NCAPD3: variants seen among roughly 807,000 people sequenced by gnomAD.
NCAPD3 encodes the protein non-SMC condensin II complex subunit D3.
A neutral mutation model predicts 182.9 loss-of-function variants in NCAPD3; 105 were observed. The ratio of observed to expected loss-of-function variants is 0.57; its 90% confidence interval spans 0.49 to 0.68. NCAPD3 has a LOEUF of 0.68. Among genes scored for constraint, NCAPD3 ranks in the 30% least tolerant of loss-of-function variants. NCAPD3 has a pLI of 0.00. For synonymous variants in NCAPD3, 815 were observed against 679.9 expected, an observed-to-expected ratio of 1.20 and a Z score of -3.09; for missense variants, 1,944 against 1,837.0, an observed-to-expected ratio of 1.06 and a Z score of -1.07.
chr11:134,220,798 G>C, intron 1 of NCAPD3, 72 bp from the exon 2 acceptor site: 3 of 1,465,914 alleles, frequency 2.0e-6, no homozygotes, highest in South Asian at 1.3e-5. Context: ...TTAGATTCCA[G>C]GTGTGTTCAA....
At chr11:134,224,479 T>G (rs1457998394), upstream of NCAPD3, 3 of 154,306 alleles carry the variant, frequency 1.9e-5, no homozygotes, top group South Asian at 1.8e-4. Flanking sequence ...GCGGCACGCG[T>G]GGGCCCAGAG....
chr11:134,195,178 G>A (rs1474944701), intron 13 of NCAPD3, among the ~76,000 whole-genome samples: 2 of 152,154 alleles, frequency 1.3e-5, no homozygotes, highest in Non-Finnish European at 2.9e-5. Flanking sequence ...ATAGCTCACC[G>A]CAATCTCAAA....
intron 3 of NCAPD3, among the ~76,000 whole-genome samples, chr11:134,212,033 A>G (rs1204144245): frequency 6.6e-6 from 1 of 152,222 alleles, no homozygotes; most frequent in Non-Finnish European, 1.5e-5. Context: ...AGAGGCAATC[A>G]CAACAAAGCA....
intron 19 of NCAPD3, among the ~76,000 whole-genome samples, chr11:134,182,661 T>A (rs959143709): frequency 1.3e-5 from 2 of 152,220 alleles, no homozygotes; most frequent in African/African-American, 2.4e-5. Flanking sequence ...TAGACACTAT[T>A]TCTACTGATA....
chr11:134,169,127 T>C (rs1180095868), intron 24 of NCAPD3, 73 bp from the exon 25 acceptor site: 3 of 1,477,870 alleles, frequency 2.0e-6, no homozygotes, highest in South Asian at 1.3e-5. Flanking sequence ...CACCAAGAAC[T>C]CTGCTGAGCA....
At chr11:134,170,739 T>C (rs889277856) in intron 24 of NCAPD3, among the ~76,000 whole-genome samples, 1 of 152,196 alleles carries the variant, frequency 6.6e-6, no homozygotes. Context: ...TGCTGAACCA[T>C]CTATACAAAT....
chr11:134,164,376 G>A (rs376079696), intron 27 of NCAPD3, among the ~76,000 whole-genome samples: 1 of 152,372 alleles, frequency 6.6e-6, no homozygotes. Flanking sequence ...GGCAGCAGGG[G>A]GACCTGAGCT....
intron 13 of NCAPD3, among the ~76,000 whole-genome samples, chr11:134,196,828 AAAG>A (rs1591850444): frequency 1.3e-5 from 2 of 152,176 alleles, no homozygotes; most frequent in African/African-American, 2.4e-5. Flanking sequence ...AAAAAATAGA[AAAG>A]AATACACTTT....
At chr11:134,197,570 C>A (rs528820548) in intron 13 of NCAPD3, among the ~76,000 whole-genome samples, 18 of 152,274 alleles carry the variant, frequency 1.2e-4, no homozygotes, top group African/African-American at 4.3e-4. Flanking sequence ...AGCCACCACG[C>A]CTGGCCACGT....
chr11:134,156,719 A>G (rs1015597173), intron 32 of NCAPD3, among the ~76,000 whole-genome samples: 11 of 152,202 alleles, frequency 7.2e-5, no homozygotes, highest in African/African-American at 2.4e-4. Flanking sequence ...GGCCGCCTCC[A>G]GAAGGCACCA....
intron 13 of NCAPD3, among the ~76,000 whole-genome samples, chr11:134,199,119 C>G (rs11607531): frequency 6.6e-6 from 1 of 151,848 alleles, no homozygotes; most frequent in Non-Finnish European, 1.5e-5. Context: ...ACAAGGGACC[C>G]AGAATAGCCA....
At chr11:134,161,692 C>A in intron 28 of NCAPD3, 89 bp downstream of exon 28, 1 of 775,588 alleles carries the variant, frequency 1.3e-6, no homozygotes, top group Non-Finnish European at 2.2e-6. Context: ...TAATCATTCA[C>A]GGATTGCCTG....
At chr11:134,201,382 G>T (rs1040805829) in intron 13 of NCAPD3, among the ~76,000 whole-genome samples, 1 of 152,164 alleles carries the variant, frequency 6.6e-6, no homozygotes, top group African/African-American at 2.4e-5. Flanking sequence ...TAGGAGGAAA[G>T]GGGCATGGGG....
chr11:134,194,750 A>C lies in NCAPD3; in HGVS notation c.1616-12T>G, dbSNP rs774270220. 6.3e-7 allele frequency: 1 copy of C among 1,585,722 alleles called. No homozygotes were observed. Among genetic ancestry groups the C allele is most frequent in the Non-Finnish European group, 8.6e-7 (1 of 1,162,818 alleles). On this transcript the variant is annotated splice_polypyrimidine_tract_variant and intron_variant, in intron 13 of 34. Transcript: ENST00000534548. Reference sequence around the variant, plus strand: ...CATGACACATCTTTCTGTAGAGGGAATACCAAAGGGTCATCACAGCTGGAG... The same window carrying C: ...CATGACACATCTTTCTGTAGAGGGACTACCAAAGGGTCATCACAGCTGGAG...
intron 13 of NCAPD3, among the ~76,000 whole-genome samples, chr11:134,198,793 T>C (rs1944689017): frequency 6.6e-6 from 1 of 152,116 alleles, no homozygotes; most frequent in Non-Finnish European, 1.5e-5. Context: ...AAATAATTTG[T>C]AAAAACTAGC....
Position 134,153,047 on chromosome 11 carries a change from G to C in NCAPD3, c.4394C>G (p.Pro1465Arg). Residue 1465 changes from proline to arginine, a missense_variant, in exon 35 of 35, where the codon CCA becomes CGA. Transcript: ENST00000534548. ...LCLSLPDKPP[P>R]QPQQWNVRSP... ...CCGCACATTCCACTGCTGAGGCTGT[G>C]GGGGCCTAGGGAAAGGACATGTGCA... The C allele has an allele frequency of 1.9e-6, 3 of 1,603,492 alleles. No individual in the cohort carries two copies. The highest frequency in any genetic ancestry group is 3.4e-5 in the Admixed American group (2 of 59,534).
At chr11:134,182,315 C>A (rs1161826066) in intron 19 of NCAPD3, among the ~76,000 whole-genome samples, 1 of 152,224 alleles carries the variant, frequency 6.6e-6, no homozygotes, top group Non-Finnish European at 1.5e-5. Flanking sequence ...CCATTTTGGG[C>A]AGACCTCAGT....
chr11:134,168,644 G>C, intron 25 of NCAPD3, 42 bp from the exon 26 acceptor site: 1 of 1,611,208 alleles, frequency 6.2e-7, no homozygotes, highest in Non-Finnish European at 8.5e-7. Context: ...ACATGGGCAC[G>C]GGTGTAAGGG....
rs1038654691 is a variant in NCAPD3 at position 134,168,668 on chromosome 11, C to T, written c.3240-66G>A. 20 of 1,593,492 alleles carry T rather than the reference C, an allele frequency of 1.3e-5. No individual in the cohort carries two copies. In the Admixed American group the frequency reaches 3.2e-4, roughly 26 times the overall value. On this transcript the variant is annotated intron_variant, in intron 25 of 34. Coordinates refer to ENST00000534548, the MANE Select transcript of NCAPD3 (RefSeq NM_015261.3). ...CGGGTGTAAGGGATTTAACACTGCA[C>T]TTTAACTGCATCCTAAAAGCTGCAT...
Sources: gnomAD v4.1 joint callset for allele counts (sites outside exome capture counted in the v4.1 genomes callset) on GRCh38, gnomAD v4.1.1 for gene constraint, MANE v1.5 for transcripts, NCBI Gene and HGNC (gene_info 2026-07-23, HGNC 2026-07-21) for gene names.